Variants in SLC35F3 observed in about 807,000 individuals in gnomAD.
SLC35F3 encodes putative thiamine transporter SLC35F3.
In SLC35F3, 25 loss-of-function variants were observed where a neutral mutation model predicts 49.9. That is an observed-to-expected ratio of 0.50 (90% CI 0.37 to 0.70). The LOEUF is 0.70. SLC35F3 is among the 30% of genes least tolerant of loss of function. SLC35F3 has a pLI of 0.00. For synonymous variants in SLC35F3, 275 were observed against 265.4 expected (o/e 1.04, Z -0.35); for missense variants, 525 against 639.8 (o/e 0.82, Z 1.94).
At chr1:234,174,970 GAGGTGGA>G (rs1666453865) in intron 2 of SLC35F3, among the ~76,000 whole-genome samples, 1 of 152,234 alleles carries the variant, frequency 6.6e-6, no homozygotes, top group South Asian at 2.1e-4. Context: ...GACAGGAAGG[GAGGTGGA>G]AGGCGTCTTG....
intron 2 of SLC35F3, among the ~76,000 whole-genome samples, chr1:234,028,334 G>A (rs1024630097): frequency 1.3e-5 from 2 of 152,186 alleles, no homozygotes; most frequent in East Asian, 3.9e-4. Flanking sequence ...ATGATCTGGG[G>A]TAAAGTTGGG....
Position 234,140,002 on chromosome 1 carries a change from A to AATAAAAAAT in SLC35F3, c.284-91415_284-91414insATAAAAAAT. 3.9e-4 allele frequency among the ~76,000 whole-genome samples: 41 copies of AATAAAAAAT among 105,322 alleles called. 1 individual carries two copies. Among genetic ancestry groups the AATAAAAAAT allele is most frequent in the Non-Finnish European group, 7.6e-4 (32 of 42,120 alleles). 69.1% of individuals were successfully genotyped at this position (105,322 alleles called of 152,430 possible). A position where few individuals can be genotyped will look rare whatever the true frequency, so the allele number is the denominator to read the frequency against. ...AATAAAATAAAATAAAATAAAATAAAGTAAGTGACTTGAACACAAGTACTG... is the reference window on the plus strand; with the variant it reads ...AATAAAATAAAATAAAATAAAATAAAATAAAAAATGTAAGTGACTTGAACACAAGTACTG... On this transcript the variant is annotated intron_variant, in intron 2 of 7. Coordinates refer to ENST00000366618, the MANE Select transcript of SLC35F3 (RefSeq NM_173508.4).
In SLC35F3 at chr1:233,935,833, T is replaced by G. The variant is rs1246179610; in HGVS notation, c.283+30075T>G. Among the ~76,000 whole-genome samples, 6 of 152,326 alleles carry G rather than the reference T, an allele frequency of 3.9e-5. No individual in the cohort carries two copies. The East Asian group carries it at 9.7e-4, about 25-fold the overall frequency. ...TTTGCCTTTAAGGATTCATTTAAAA[T>G]GTAGCTGATTCCTTGTTACTCATTG... On this transcript the variant is annotated intron_variant, in intron 2 of 7. Coordinates refer to ENST00000366618, the MANE Select transcript of SLC35F3 (RefSeq NM_173508.4).
chr1:233,941,962 G>GTTTTTTTTTTTTTTTTTTTTT (rs547024039), intron 2 of SLC35F3, among the ~76,000 whole-genome samples: 1 of 118,912 alleles, frequency 8.4e-6, no homozygotes. Flanking sequence ...TTGTTTTTTT[G>GTTTTTTTTTTTTTTTTTTTTT]TTTTTTTTTT....
intron 2 of SLC35F3, among the ~76,000 whole-genome samples, chr1:233,937,725 GT>G (rs1662357223): frequency 6.6e-6 from 1 of 152,182 alleles, no homozygotes; most frequent in South Asian, 2.1e-4. Context: ...GCATTGCCTG[GT>G]TAGGAAGCTA....
chr1:233,948,032 T>C (rs1456920178), intron 2 of SLC35F3, among the ~76,000 whole-genome samples: 1 of 149,278 alleles, frequency 6.7e-6, no homozygotes, highest in Admixed American at 6.7e-5. Flanking sequence ...TAGGAAAAAT[T>C]ATTTAAAAAA....
At chr1:234,113,333 A>C (rs1665436276) in intron 2 of SLC35F3, among the ~76,000 whole-genome samples, 1 of 152,172 alleles carries the variant, frequency 6.6e-6, no homozygotes. Flanking sequence ...TTTTGTTTGC[A>C]TTCCAGGAAA....
Position 234,225,578 on chromosome 1 carries a change from T to G in SLC35F3, c.284-5839T>G, listed in dbSNP as rs577095369. Among the ~76,000 whole-genome samples, 10 of 152,340 alleles carry G rather than the reference T, an allele frequency of 6.6e-5. No homozygotes were observed. In the East Asian group the frequency reaches 1.9e-3, roughly 29 times the overall value. Reference sequence around the variant, plus strand: ...TCTAAAATGTGGGTACTTTAAGCACTGCCACTTGGACTAAGCAAGCTCCAT... The same window carrying G: ...TCTAAAATGTGGGTACTTTAAGCACGGCCACTTGGACTAAGCAAGCTCCAT... On this transcript the variant is annotated intron_variant, in intron 2 of 7. Transcript: ENST00000366618.
At position 234,248,197 on chromosome 1, in the gene SLC35F3, C is replaced by A. The variant is rs672096; in HGVS notation, c.608+16456C>A. ...TTGTTTGATGGGTCAGTTGGCTGGT[C>A]CATTGTTTGGTGGGTTGGTTGGTTG... is the stretch of plus-strand genomic sequence containing the variant. On this transcript the variant is annotated intron_variant, in intron 3 of 7. Transcript: ENST00000366618. Among the ~76,000 whole-genome samples, 9 of 123,122 alleles carry A rather than the reference C, an allele frequency of 7.3e-5. No individual in the cohort carries two copies. In the South Asian group the frequency reaches 2.2e-3, roughly 30 times the overall value. The allele number at this position is 123,122 out of a possible 152,430, so 80.8% of individuals were successfully genotyped here.
At chr1:234,013,447 A>T (rs1663754923) in intron 2 of SLC35F3, among the ~76,000 whole-genome samples, 1 of 152,032 alleles carries the variant, frequency 6.6e-6, no homozygotes, top group African/African-American at 2.4e-5. Context: ...AAAAAGAAGA[A>T]CAAAGTACAA....
At chr1:234,290,402 G>C (rs1362786646) in intron 3 of SLC35F3, among the ~76,000 whole-genome samples, 1 of 152,190 alleles carries the variant, frequency 6.6e-6, no homozygotes, top group Admixed American at 6.5e-5. Flanking sequence ...ATATCAGACT[G>C]AGACATATTG....
chr1:234,042,765 T>C (rs1328382473), intron 2 of SLC35F3, among the ~76,000 whole-genome samples: 2 of 152,180 alleles, frequency 1.3e-5, no homozygotes, highest in Non-Finnish European at 2.9e-5. Flanking sequence ...CGTGTAACCT[T>C]TTCCTTTTTT....
At chr1:234,107,710 A>C (rs939959053) in intron 2 of SLC35F3, among the ~76,000 whole-genome samples, 2 of 152,168 alleles carry the variant, frequency 1.3e-5, no homozygotes, top group African/African-American at 4.8e-5. Context: ...ACATTCTCTG[A>C]GCCTTGGTTT....
chr1:234,100,930 T>C (rs1572052241), intron 2 of SLC35F3, among the ~76,000 whole-genome samples: 2 of 152,194 alleles, frequency 1.3e-5, no homozygotes, highest in Non-Finnish European at 2.9e-5. Context: ...GGAGCTCTTT[T>C]TGGTGGTGAT....
chr1:233,977,112 A>G lies in SLC35F3; in HGVS notation c.283+71354A>G, dbSNP rs543712402. ...CTGCGCATGCCCTTCAGGTTAGCTC[A>G]GCCAGCAGTGTCCCATCCACCCACC... is the stretch of plus-strand genomic sequence containing the variant. On this transcript the variant is annotated intron_variant, in intron 2 of 7. Transcript: ENST00000366618. Among the ~76,000 whole-genome samples, 19 of 152,286 alleles carry G rather than the reference A, an allele frequency of 1.2e-4. 1 individual carries two copies. The South Asian group carries it at 3.9e-3, about 32-fold the overall frequency.
intron 2 of SLC35F3, among the ~76,000 whole-genome samples, chr1:233,972,650 T>TATCATC (rs60128546): frequency 6.6e-6 from 1 of 152,094 alleles, no homozygotes; most frequent in African/African-American, 2.4e-5. Context: ...TTATTATCAT[T>TATCATC]ATCATCATCA....
chr1:234,055,019 G>A (rs1303098493), intron 2 of SLC35F3, among the ~76,000 whole-genome samples: 1 of 152,164 alleles, frequency 6.6e-6, no homozygotes, highest in Non-Finnish European at 1.5e-5. Flanking sequence ...TCGTCCCAGA[G>A]GGGCACTCGG....
intron 2 of SLC35F3, among the ~76,000 whole-genome samples, chr1:234,084,222 C>A (rs990916874): frequency 7.2e-6 from 1 of 139,002 alleles, no homozygotes; most frequent in Admixed American, 7.1e-5. Context: ...AAGGAATAGA[C>A]ACACACACAC....
At chr1:234,241,078 C>T (rs1667547775) in intron 3 of SLC35F3, among the ~76,000 whole-genome samples, 1 of 152,228 alleles carries the variant, frequency 6.6e-6, no homozygotes, top group East Asian at 1.9e-4. Flanking sequence ...TAGTGCCATA[C>T]AGAAGCTAAA....
Sources: gnomAD v4.1 joint callset for allele counts (sites outside exome capture counted in the v4.1 genomes callset) on GRCh38, gnomAD v4.1.1 for gene constraint, MANE v1.5 for transcripts, NCBI Gene and HGNC (gene_info 2026-07-23, HGNC 2026-07-21) for gene names.